Variants in ATXN1 observed in about 807,000 individuals in gnomAD.
ATXN1 encodes the protein ataxin 1, also known as ataxin-1.
In ATXN1, 8 loss-of-function variants were observed where a neutral mutation model predicts 56.4. That is an observed-to-expected ratio of 0.14 (90% CI 0.08 to 0.26). ATXN1 has a LOEUF of 0.26. Among genes scored for constraint, ATXN1 ranks in the 10% least tolerant of loss-of-function variants. The probability of loss-of-function intolerance (pLI) is 1.00; values close to 1 mark genes in which losing one functional copy is unlikely to be tolerated. For missense variants in ATXN1, 987 were observed against 1,106.5 expected (o/e 0.89, Z 1.53); for synonymous variants, 514 against 494.6 (o/e 1.04, Z -0.52).
At chr6:16,498,048 T>A (rs1760812209) in intron 5 of ATXN1, among the ~76,000 whole-genome samples, 1 of 152,192 alleles carries the variant, frequency 6.6e-6, no homozygotes, top group Non-Finnish European at 1.5e-5. Flanking sequence ...TGTAAGTCAG[T>A]GGCTTTTACT....
At chr6:16,675,204 A>G (rs1758635537) in intron 2 of ATXN1, among the ~76,000 whole-genome samples, 1 of 152,362 alleles carries the variant, frequency 6.6e-6, no homozygotes, top group Admixed American at 6.5e-5. Flanking sequence ...ACTGAAAGTA[A>G]CCAATGGCTT....
intron 4 of ATXN1, among the ~76,000 whole-genome samples, chr6:16,581,220 T>C (rs1418086101): frequency 4.5e-5 from 6 of 133,054 alleles, no homozygotes; most frequent in African/African-American, 1.7e-4. Context: ...TGTGTGTGTG[T>C]GTGTGCGCGC....
chr6:16,446,800 G>C (rs767262739), intron 6 of ATXN1, among the ~76,000 whole-genome samples: 2 of 152,032 alleles, frequency 1.3e-5, no homozygotes, highest in Non-Finnish European at 2.9e-5. Context: ...TGGGAGAAAG[G>C]GATCAGACCA....
At chr6:16,379,288 A>T (rs1456771300) in intron 6 of ATXN1, among the ~76,000 whole-genome samples, 1 of 152,164 alleles carries the variant, frequency 6.6e-6, no homozygotes, top group African/African-American at 2.4e-5. Context: ...AGAGGGATAA[A>T]AGACTGCAAA....
At chr6:16,347,651 C>G (rs543299804) in intron 6 of ATXN1, among the ~76,000 whole-genome samples, 104 of 152,216 alleles carry the variant, frequency 6.8e-4, no homozygotes, top group African/African-American at 2.4e-3. Flanking sequence ...ACCTTTGTGT[C>G]GACACTCTTT....
chr6:16,539,686 C>T (rs1194082545), intron 4 of ATXN1, among the ~76,000 whole-genome samples: 1 of 152,182 alleles, frequency 6.6e-6, no homozygotes, highest in East Asian at 1.9e-4. Context: ...AGGGATCCAC[C>T]TCTGTGGCTT....
chr6:16,655,393 G>A (rs758871443), intron 3 of ATXN1, among the ~76,000 whole-genome samples: 4 of 152,152 alleles, frequency 2.6e-5, no homozygotes, highest in Non-Finnish European at 4.4e-5. Context: ...ATGGTGGCGC[G>A]TGCCTGTAGT....
Position 16,328,278 on chromosome 6 carries a change from G to T in ATXN1, c.33C>A (p.Cys11Ter). MKSNQERSNE[C>*]LPPKKREIPA... ...GGATCTCGCGCTTCTTGGGAGGCAG[G>T]CATTCGTTGCTCCGCTCTTGGTTGG... is the stretch of plus-strand genomic sequence containing the variant. The change falls in exon 7 of 8, where the codon TGC becomes TGA. Residue 11 changes from cysteine to a stop codon, truncating the protein, a stop_gained. Transcript: ENST00000436367. LOFTEE classifies it high-confidence loss of function. The surrounding 1 kb of genome is among the most constrained non-coding windows in gnomAD (Gnocchi z 6.2). 6.6e-7 allele frequency: 1 copy of T among 1,519,148 alleles called. No individual in the cohort carries two copies. The allele number at this position is 1,519,148 out of a possible 1,614,324, so 94.1% of individuals were successfully genotyped here.
intron 2 of ATXN1, among the ~76,000 whole-genome samples, chr6:16,734,543 T>G (rs1246689485): frequency 6.6e-6 from 1 of 152,238 alleles, no homozygotes; most frequent in East Asian, 1.9e-4. Context: ...AGTCTCACTC[T>G]GTCGCTCAGG....
chr6:16,672,762 G>T (rs1758571494), intron 2 of ATXN1, among the ~76,000 whole-genome samples: 2 of 152,224 alleles, frequency 1.3e-5, no homozygotes, highest in African/African-American at 4.8e-5. Context: ...GTTCATGCCT[G>T]TGATCCCAGC....
At chr6:16,434,346 T>C (rs977627517) in intron 6 of ATXN1, among the ~76,000 whole-genome samples, 1 of 152,234 alleles carries the variant, frequency 6.6e-6, no homozygotes, top group African/African-American at 2.4e-5. Context: ...TCCGTTGGCA[T>C]GGATGGGCGA....
intron 2 of ATXN1, among the ~76,000 whole-genome samples, chr6:16,721,593 C>T (rs569764056): frequency 6.6e-6 from 1 of 152,218 alleles, no homozygotes; most frequent in East Asian, 1.9e-4. Context: ...TGCCACTGCA[C>T]TCCAGCCAGG....
intron 6 of ATXN1, among the ~76,000 whole-genome samples, chr6:16,393,535 A>C (rs1758396884): frequency 6.6e-6 from 1 of 152,244 alleles, no homozygotes; most frequent in Non-Finnish European, 1.5e-5. Flanking sequence ...ATGATGGTTC[A>C]TAGTGAGTTG....
At chr6:16,375,786 T>C (rs1762130803) in intron 6 of ATXN1, among the ~76,000 whole-genome samples, 1 of 152,236 alleles carries the variant, frequency 6.6e-6, no homozygotes, top group Non-Finnish European at 1.5e-5. Context: ...GTCCAAGCTA[T>C]TTGCTTTGGA....
intron 3 of ATXN1, among the ~76,000 whole-genome samples, chr6:16,594,157 A>AAT (rs60089226): frequency 0.72 from 106,332 of 146,930 alleles, 38,748 homozygotes; most frequent in Admixed American, 0.81. Flanking sequence ...ATATTAGACT[A>AAT]ATATATATAT....
At chr6:16,620,262 AACACACACACAC>A (rs60586256) in intron 3 of ATXN1, among the ~76,000 whole-genome samples, 21 of 137,496 alleles carry the variant, frequency 1.5e-4, no homozygotes, top group South Asian at 9.6e-4. Context: ...CTGTCTCTCA[AACACACACACAC>A]ACACACACAC....
At chr6:16,731,469 T>C (rs892979581) in intron 2 of ATXN1, among the ~76,000 whole-genome samples, 2 of 102,672 alleles carry the variant, frequency 1.9e-5, no homozygotes, top group Non-Finnish European at 1.8e-5. Context: ...TTTTTTTTTT[T>C]TTTTTTTTTT....
At chr6:16,377,480 C>CATACAGGTTAT (rs1762164502) in intron 6 of ATXN1, among the ~76,000 whole-genome samples, 2 of 152,144 alleles carry the variant, frequency 1.3e-5, no homozygotes, top group African/African-American at 4.8e-5. Context: ...CTTCATGGGT[C>CATACAGGTTAT]ATACAGGTTA....
chr6:16,660,752 G>A (rs1758300332), intron 2 of ATXN1, among the ~76,000 whole-genome samples: 2 of 149,068 alleles, frequency 1.3e-5, no homozygotes, highest in African/African-American at 5.0e-5. Context: ...GCAACAATTA[G>A]ACACAGATTG....
Sources: allele counts gnomAD v4.1 joint callset (sites outside exome capture counted in the v4.1 genomes callset), GRCh38; gene constraint gnomAD v4.1.1; non-coding constraint Gnocchi (gnomAD v3.1); transcripts MANE v1.5; gene names NCBI Gene and HGNC (gene_info 2026-07-23, HGNC 2026-07-21).